KMT2C: variants seen among roughly 807,000 people sequenced by gnomAD.
KMT2C encodes lysine methyltransferase 2C, also known as histone-lysine N-methyltransferase 2C.
KMT2C carries 88 observed loss-of-function variants against 507.9 expected under a neutral mutation model. The observed-to-expected ratio is 0.17, with a 90% CI of 0.15 to 0.21. The LOEUF is 0.21. Among genes scored for constraint, KMT2C ranks in the 10% least tolerant of loss-of-function variants. KMT2C has a pLI of 1.00. For synonymous variants in KMT2C, 2,049 were observed against 2,080.8 expected, an observed-to-expected ratio of 0.98 and a Z score of 0.42; for missense variants, 4,954 against 5,957.8, an observed-to-expected ratio of 0.83 and a Z score of 5.55.
At chr7:152,368,379 A>AAGGG in intron 1 of KMT2C, 1 of 1,103,818 alleles carries the variant, frequency 9.1e-7, no homozygotes. Flanking sequence ...AAGAAGAAAG[A>AAGGG]AGGGAGTATG....
At chr7:152,341,263 C>T (rs1316410851) in intron 2 of KMT2C, among the ~76,000 whole-genome samples, 1 of 152,158 alleles carries the variant, frequency 6.6e-6, no homozygotes, top group Non-Finnish European at 1.5e-5. Flanking sequence ...TCCTAACCCA[C>T]AAGATCATGA....
chr7:152,373,797 AG>A (rs774108619), intron 1 of KMT2C, among the ~76,000 whole-genome samples: 57 of 152,220 alleles, frequency 3.7e-4, no homozygotes, highest in Middle Eastern at 3.2e-3. Flanking sequence ...CAAAGTTACT[AG>A]GAATAACTTT....
At chr7:152,367,424 C>A in intron 1 of KMT2C, 1 of 702,054 alleles carries the variant, frequency 1.4e-6, no homozygotes, top group South Asian at 1.7e-5. Flanking sequence ...CGCCTTATTT[C>A]GCAGGCTGGT....
intron 1 of KMT2C, among the ~76,000 whole-genome samples, chr7:152,393,190 T>TA: frequency 6.6e-6 from 1 of 152,328 alleles, no homozygotes; most frequent in South Asian, 2.1e-4. Context: ...GCATTCAGGT[T>TA]AAAATGACAA....
Position 152,181,466 on chromosome 7 carries a change from A to G in KMT2C, c.6394T>C (p.Ser2132Pro), listed in dbSNP as rs776947412. 6 of 1,613,798 alleles carry G rather than the reference A, an allele frequency of 3.7e-6. No homozygotes were observed. In the African/African-American group the frequency reaches 6.7e-5, roughly 18 times the overall value. Reference protein sequence around the residue: ...ISRPTSQDPYSQPPGTPRPVV... With the variant: ...ISRPTSQDPYPQPPGTPRPVV... ...GGTCGTGGAGTTCCTGGGGGTTGGG[A>G]GTATGGGTCCTGAGATGTTGGCCTT... Residue 2132 changes from serine to proline, a missense_variant, in exon 36 of 59, where the codon TCC becomes CCC. Ser to Pro is a moderately conservative substitution (Grantham distance 74). Coordinates refer to ENST00000262189, the MANE Select transcript of KMT2C (RefSeq NM_170606.3).
At chr7:152,196,131 ACT>A (rs1468536260) in intron 27 of KMT2C, 120 bp from the exon 28 acceptor site, 15 of 461,406 alleles carry the variant, frequency 3.3e-5, no homozygotes, top group African/African-American at 2.6e-4. Context: ...AAAACCTGAG[ACT>A]CTTAATTTTA....
At chr7:152,394,578 A>G (rs2097525637) in intron 1 of KMT2C, among the ~76,000 whole-genome samples, 1 of 152,178 alleles carries the variant, frequency 6.6e-6, no homozygotes, top group South Asian at 2.1e-4. Context: ...ACTTAAAACA[A>G]TCCAACCCAG....
chr7:152,326,096 T>A (rs2096826270), intron 3 of KMT2C, among the ~76,000 whole-genome samples: 1 of 152,190 alleles, frequency 6.6e-6, no homozygotes, highest in East Asian at 1.9e-4. Context: ...AATACAGCAC[T>A]GACTTAATTT....
At chr7:152,368,810 T>C in intron 1 of KMT2C, 1 of 653,194 alleles carries the variant, frequency 1.5e-6, no homozygotes, top group Admixed American at 2.9e-5. Flanking sequence ...CTTGTTTTTC[T>C]TGATGGAGAT....
At chr7:152,359,985 G>C (rs1321801172) in intron 1 of KMT2C, among the ~76,000 whole-genome samples, 1 of 136,464 alleles carries the variant, frequency 7.3e-6, no homozygotes, top group Non-Finnish European at 1.5e-5. Flanking sequence ...ACAGATGGAG[G>C]TTGCAGTGAG....
intron 26 of KMT2C, 75 bp downstream of exon 26, chr7:152,202,859 C>T (rs111377906): frequency 8.4e-6 from 10 of 1,192,932 alleles, no homozygotes; most frequent in African/African-American, 7.8e-5. Flanking sequence ...AACAACAAAC[C>T]TATGTTTTAA....
At chr7:152,307,388 G>A (rs1484087163) in intron 6 of KMT2C, among the ~76,000 whole-genome samples, 1 of 150,920 alleles carries the variant, frequency 6.6e-6, no homozygotes, top group Non-Finnish European at 1.5e-5. Flanking sequence ...GAAGGAGGGA[G>A]GAAGGGAGGG....
Position 152,360,709 on chromosome 7 carries a change from C to G in KMT2C, c.162-2034G>C, listed in dbSNP as rs191231754. Among the ~76,000 whole-genome samples the G allele has an allele frequency of 8.6e-5, 13 of 151,632 alleles. No homozygotes were observed. In the East Asian group the frequency reaches 2.5e-3, roughly 30 times the overall value. Reference sequence around the variant, plus strand: ...AAAACAAAAAGAAAAATTAGCTGGGCATGGTGGCACATGCCTGTAATCCCA... The same window carrying G: ...AAAACAAAAAGAAAAATTAGCTGGGGATGGTGGCACATGCCTGTAATCCCA... On this transcript the variant is annotated intron_variant, in intron 1 of 58. Transcript: ENST00000262189.
intron 9 of KMT2C, among the ~76,000 whole-genome samples, chr7:152,261,975 C>A (rs964498347): frequency 6.6e-6 from 1 of 152,038 alleles, no homozygotes; most frequent in Non-Finnish European, 1.5e-5. Context: ...TCTTTTTCCC[C>A]CCAGGAGAGA....
At chr7:152,187,920 G>T in intron 31 of KMT2C, 73 bp from the exon 32 acceptor site, 2 of 1,453,180 alleles carry the variant, frequency 1.4e-6, no homozygotes, top group Non-Finnish European at 1.9e-6. Flanking sequence ...GCTGGCCCTT[G>T]AACAACATGG....
intron 14 of KMT2C, among the ~76,000 whole-genome samples, chr7:152,240,919 C>T: frequency 6.6e-6 from 1 of 152,188 alleles, no homozygotes. Context: ...AGCCTTTCCC[C>T]ACAGCAGCCA....
chr7:152,267,661 T>C (rs112396013), intron 7 of KMT2C, among the ~76,000 whole-genome samples: 2 of 151,970 alleles, frequency 1.3e-5, no homozygotes, highest in Admixed American at 6.6e-5. Context: ...TCTCTACTTA[T>C]GGTTCTGACA....
intron 19 of KMT2C, 102 bp downstream of exon 19, chr7:152,224,333 G>C (rs2094865134): frequency 1.5e-6 from 2 of 1,294,866 alleles, no homozygotes; most frequent in East Asian, 4.7e-5. Context: ...TAGAATATGT[G>C]TATTATTCAA....
At chr7:152,384,572 C>A (rs796540284) in intron 1 of KMT2C, among the ~76,000 whole-genome samples, 1 of 125,384 alleles carries the variant, frequency 8.0e-6, no homozygotes, top group African/African-American at 2.9e-5. Context: ...ACCACCACCA[C>A]CACCACCACC....
Sources: allele counts gnomAD v4.1 joint callset (sites outside exome capture counted in the v4.1 genomes callset), GRCh38; gene constraint gnomAD v4.1.1; transcripts MANE v1.5; gene names NCBI Gene and HGNC (gene_info 2026-07-23, HGNC 2026-07-21).